GALNT13: variants seen among roughly 807,000 people sequenced by gnomAD.
GALNT13 encodes polypeptide N-acetylgalactosaminyltransferase 13, also known as UDP-GalNAc:polypeptide N-acetylgalactosaminyltransferase 13.
A neutral mutation model predicts 64.2 loss-of-function variants in GALNT13; 28 were observed. The ratio of observed to expected loss-of-function variants is 0.44; its 90% CI spans 0.32 to 0.60. The LOEUF is 0.60. Among genes scored for constraint, GALNT13 ranks in the 20% least tolerant of loss-of-function variants. The pLI, the probability that GALNT13 is intolerant of heterozygous loss-of-function variation, is 0.05. For missense variants in GALNT13, 577 were observed against 669.8 expected, an observed-to-expected ratio of 0.86 and a Z score of 1.53; for synonymous variants, 214 against 224.6, an observed-to-expected ratio of 0.95 and a Z score of 0.42.
chr2:153,870,875 C>G (rs1259532818), upstream of GALNT13, among the ~76,000 whole-genome samples: 1 of 151,844 alleles, frequency 6.6e-6, no homozygotes, highest in African/African-American at 2.4e-5. Flanking sequence ...AGCAAGGACC[C>G]CTGTCAGCCC....
chr2:153,642,376 A>C, the GALNT13 span, among the ~76,000 whole-genome samples: 2 of 151,908 alleles, frequency 1.3e-5, no homozygotes, highest in Non-Finnish European at 2.9e-5. Context: ...CATTTAATAT[A>C]TAAGAACATG....
At chr2:154,127,132 C>T (rs1282938831) in intron 3 of GALNT13, among the ~76,000 whole-genome samples, 1 of 151,730 alleles carries the variant, frequency 6.6e-6, no homozygotes. Flanking sequence ...AAATATTAAC[C>T]GAAAATTTAA....
At chr2:153,281,320 GT>G in the GALNT13 span, among the ~76,000 whole-genome samples, 93,769 of 148,576 alleles carry the variant, frequency 0.63, 30,190 homozygotes, top group Middle Eastern at 0.75. Context: ...TGAGCCTTGC[GT>G]TTTTTTTTTT....
chr2:153,292,209 A>G, the GALNT13 span, among the ~76,000 whole-genome samples: 1 of 152,164 alleles, frequency 6.6e-6, no homozygotes, highest in Admixed American at 6.5e-5. Context: ...TTCACCACCA[A>G]GGTTCTCTCC....
At chr2:154,280,855 AG>A (rs1559065608) in intron 8 of GALNT13, among the ~76,000 whole-genome samples, 1 of 152,212 alleles carries the variant, frequency 6.6e-6, no homozygotes, top group Non-Finnish European at 1.5e-5. Flanking sequence ...GTAAAATGCA[AG>A]GTATCTGACC....
chr2:153,347,418 A>G, the GALNT13 span, among the ~76,000 whole-genome samples: 1 of 152,218 alleles, frequency 6.6e-6, no homozygotes, highest in East Asian at 1.9e-4. Flanking sequence ...TTAAGTCACA[A>G]ATCCAAAGAT....
Position 154,409,054 on chromosome 2 carries a change from T to C in GALNT13, c.1367T>C (p.Phe456Ser), listed in dbSNP as rs780663318. ...GRKENEKVGIFNCHGMGGNQV... is the reference protein window; with the variant it reads ...GRKENEKVGISNCHGMGGNQV... ...AAGGAAAATGAAAAAGTGGGTATAT[T>C]CAACTGTCATGGTATGGGAGGAAAT... Residue 456 changes from phenylalanine (F) to serine (S), a missense_variant, in exon 11 of 13, where the codon TTC becomes TCC. Coordinates refer to ENST00000392825, the MANE Select transcript of GALNT13 (RefSeq NM_052917.4). 6.2e-7 allele frequency: 1 copy of C among 1,609,608 alleles called. No individual in the cohort carries two copies. Among genetic ancestry groups the C allele is most frequent in the Admixed American group, 1.7e-5 (1 of 59,804 alleles).
At chr2:153,251,471 A>T in the GALNT13 span, among the ~76,000 whole-genome samples, 198 of 151,390 alleles carry the variant, frequency 1.3e-3, no homozygotes, top group African/African-American at 4.6e-3. Context: ...CTTTTTTTTT[A>T]AATTTATTAT....
chr2:154,042,695 C>CATAT (rs70981696), intron 3 of GALNT13, among the ~76,000 whole-genome samples: 5,716 of 107,810 alleles, frequency 0.053, 515 homozygotes, highest in South Asian at 0.09. Flanking sequence ...TATCATTATG[C>CATAT]ATATATATAT....
chr2:153,408,560 C>A, the GALNT13 span, among the ~76,000 whole-genome samples: 1 of 152,156 alleles, frequency 6.6e-6, no homozygotes. Context: ...CTTGCTCCCA[C>A]CACTAAAACT....
At chr2:153,353,011 G>T in the GALNT13 span, among the ~76,000 whole-genome samples, 5 of 152,046 alleles carry the variant, frequency 3.3e-5, no homozygotes, top group East Asian at 7.7e-4. Context: ...GATTTTGATT[G>T]GGATGTATTG....
At chr2:153,719,609 G>A in the GALNT13 span, among the ~76,000 whole-genome samples, 14 of 152,152 alleles carry the variant, frequency 9.2e-5, no homozygotes, top group Admixed American at 3.9e-4. Flanking sequence ...TGCGCGCACC[G>A]TGCACGAGCC....
chr2:153,186,439 T>C, the GALNT13 span, among the ~76,000 whole-genome samples: 2 of 152,204 alleles, frequency 1.3e-5, no homozygotes, highest in African/African-American at 2.4e-5. Flanking sequence ...AATTGGGGCA[T>C]TTAGCTCATG....
intron 4 of GALNT13, among the ~76,000 whole-genome samples, chr2:154,175,823 G>C (rs1233509317): frequency 6.6e-6 from 1 of 152,032 alleles, no homozygotes; most frequent in East Asian, 1.9e-4. Flanking sequence ...CCAGACACTT[G>C]CAACTATAAT....
the GALNT13 span, among the ~76,000 whole-genome samples, chr2:153,524,706 A>G: frequency 1.3e-5 from 2 of 152,170 alleles, no homozygotes; most frequent in Non-Finnish European, 2.9e-5. Context: ...AACTAGCTCT[A>G]GCTATAGGGG....
chr2:153,365,079 A>G, the GALNT13 span, among the ~76,000 whole-genome samples: 1 of 152,182 alleles, frequency 6.6e-6, no homozygotes, highest in African/African-American at 2.4e-5. Flanking sequence ...AACCTCAGAA[A>G]TAACACCACA....
chr2:153,527,361 T>G, the GALNT13 span, among the ~76,000 whole-genome samples: 2 of 152,120 alleles, frequency 1.3e-5, no homozygotes, highest in African/African-American at 4.8e-5. Context: ...AGTGGAAACC[T>G]TACAGGCCAG....
chr2:153,615,486 C>A, the GALNT13 span, among the ~76,000 whole-genome samples: 4 of 152,042 alleles, frequency 2.6e-5, no homozygotes, highest in Non-Finnish European at 5.9e-5. Flanking sequence ...ATTTACATTC[C>A]CACCAACCAT....
At chr2:153,150,220 A>G in the GALNT13 span, among the ~76,000 whole-genome samples, 590 of 152,126 alleles carry the variant, frequency 3.9e-3, 10 homozygotes, top group Admixed American at 0.034. Flanking sequence ...TTAATGGAAG[A>G]AGAAATTTAT....
Sources: gnomAD v4.1 joint callset for allele counts (sites outside exome capture counted in the v4.1 genomes callset) on GRCh38, gnomAD v4.1.1 for gene constraint, MANE v1.5 for transcripts, NCBI Gene and HGNC (gene_info 2026-07-23, HGNC 2026-07-21) for gene names.